PBRM1: variants seen among roughly 807,000 people sequenced by gnomAD.
PBRM1 encodes the protein protein polybromo-1.
PBRM1 carries 27 observed loss-of-function variants against 194.5 expected under a neutral mutation model. That is an observed-to-expected ratio of 0.14 (90% confidence interval 0.10 to 0.19). The LOEUF (loss-of-function observed/expected upper bound fraction) is 0.19, where lower values mean the gene tolerates loss of function less well. Ranked by LOEUF, PBRM1 falls within the 10% of genes least tolerant of loss-of-function variation. PBRM1 has a pLI of 1.00. For missense variants in PBRM1, 1,466 were observed against 2,077.2 expected (o/e 0.71, Z 5.72); for synonymous variants, 655 against 693.2 (o/e 0.94, Z 0.87).
At chr3:52,581,592 G>T (rs1195720265) in intron 20 of PBRM1, among the ~76,000 whole-genome samples, 1 of 151,116 alleles carries the variant, frequency 6.6e-6, no homozygotes, top group East Asian at 1.9e-4. Flanking sequence ...AACAACCCAT[G>T]AGATTAATAA....
At chr3:52,669,083 A>T (rs1362099470) in intron 2 of PBRM1, among the ~76,000 whole-genome samples, 1 of 152,202 alleles carries the variant, frequency 6.6e-6, no homozygotes, top group Non-Finnish European at 1.5e-5. Flanking sequence ...GTGACCACAT[A>T]AATTTTTTCT....
chr3:52,598,563 T>C (rs982154035), intron 17 of PBRM1, among the ~76,000 whole-genome samples: 3 of 152,364 alleles, frequency 2.0e-5, no homozygotes. Flanking sequence ...ATTGGATGAA[T>C]ATACCACTTT....
chr3:52,623,316 G>A (rs1260721759), intron 13 of PBRM1, among the ~76,000 whole-genome samples: 1 of 152,140 alleles, frequency 6.6e-6, no homozygotes, highest in Non-Finnish European at 1.5e-5. Context: ...ATAACAGCTG[G>A]CACTTACCAA....
At chr3:52,627,126 C>A in intron 13 of PBRM1, 147 bp downstream of exon 14, 1 of 491,158 alleles carries the variant, frequency 2.0e-6, no homozygotes, top group Non-Finnish European at 3.6e-6. Context: ...GCTAATCATC[C>A]AATTGCAAAT....
At chr3:52,661,556 C>T (rs993927842) in intron 4 of PBRM1, among the ~76,000 whole-genome samples, 2 of 151,964 alleles carry the variant, frequency 1.3e-5, no homozygotes, top group African/African-American at 4.8e-5. Context: ...AGGAGGAAGG[C>T]GGAGCAAACA....
chr3:52,616,844 A>T (rs573004309), intron 14 of PBRM1, among the ~76,000 whole-genome samples: 15 of 152,152 alleles, frequency 9.9e-5, no homozygotes, highest in Non-Finnish European at 2.1e-4. Flanking sequence ...CGTAGTAATG[A>T]TGATGATGAA....
chr3:52,594,279 T>A (rs1421113161), intron 17 of PBRM1, among the ~76,000 whole-genome samples: 1 of 152,224 alleles, frequency 6.6e-6, no homozygotes, highest in Non-Finnish European at 1.5e-5. Flanking sequence ...GTGCATATAT[T>A]ATTTAGGATA....
At chr3:52,622,686 C>T (rs1270849896) in intron 13 of PBRM1, among the ~76,000 whole-genome samples, 1 of 152,118 alleles carries the variant, frequency 6.6e-6, no homozygotes, top group Non-Finnish European at 1.5e-5. Context: ...ACTTTTTCTC[C>T]CCCTGGCTGA....
chr3:52,648,051 G>A (rs2096378083), intron 7 of PBRM1, among the ~76,000 whole-genome samples: 2 of 151,936 alleles, frequency 1.3e-5, no homozygotes, highest in Admixed American at 1.3e-4. Flanking sequence ...TGGGATTACA[G>A]GCGCCTGCCA....
chr3:52,615,087 TCTTA>T (rs763382394), intron 15 of PBRM1, among the ~76,000 whole-genome samples: 3 of 152,168 alleles, frequency 2.0e-5, no homozygotes, highest in African/African-American at 4.8e-5. Context: ...AAAAATCTAT[TCTTA>T]CTATTTAAAA....
At chr3:52,629,023 C>T (rs1207640343) in exon 12 of PBRM1, 2 of 1,606,946 alleles carry the variant, frequency 1.2e-6, no homozygotes, top group Non-Finnish European at 1.7e-6. Flanking sequence ...ATTCTTGATT[C>T]TTCAGTTTTG....
At chr3:52,641,446 C>CAAAAAAAA (rs386396638) in intron 10 of PBRM1, among the ~76,000 whole-genome samples, 4 of 69,894 alleles carry the variant, frequency 5.7e-5, no homozygotes, top group Non-Finnish European at 7.9e-5. Flanking sequence ...GACTCCATCT[C>CAAAAAAAA]AAAAAAAAAA....
chr3:52,601,285 C>T (rs1338752900), intron 17 of PBRM1, among the ~76,000 whole-genome samples: 1 of 152,164 alleles, frequency 6.6e-6, no homozygotes, highest in Non-Finnish European at 1.5e-5. Context: ...TTTTTGGCAC[C>T]AGGGACCAGT....
At chr3:52,649,385 C>T (rs138816259) in intron 6 of PBRM1, among the ~76,000 whole-genome samples, 92 of 152,202 alleles carry the variant, frequency 6.0e-4, no homozygotes, top group African/African-American at 2.2e-3. Context: ...AATGCAATGG[C>T]CAGGAATTCA....
In PBRM1 at chr3:52,661,632, T is replaced by A. The variant is rs1041305500; in HGVS notation, c.528+501A>T. 8.6e-5 allele frequency among the ~76,000 whole-genome samples: 13 copies of A among 151,946 alleles called. No individual in the cohort carries two copies. In the East Asian group the frequency reaches 2.5e-3, roughly 29 times the overall value. On this transcript the variant is annotated intron_variant, in intron 4 of 29. Coordinates refer to ENST00000296302, the Ensembl canonical transcript of PBRM1. ...ACCATTTTAGATGGTGTTAGAACAA[T>A]AAAAAAGAGCCAGTCACGGGAAAAG...
chr3:52,617,545 A>AG lies in PBRM1; in HGVS notation c.1542-8dup. On this transcript the variant is annotated splice_polypyrimidine_tract_variant and splice_region_variant and intron_variant, in intron 13 of 29. Coordinates refer to ENST00000296302, the Ensembl canonical transcript of PBRM1. ...CTTTCTTATGTTCTTTTTACTGTTGAGGGGGAGGTAGAAAAGGGGAAAAAT... is the reference window on the plus strand; with the variant it reads ...CTTTCTTATGTTCTTTTTACTGTTGAGGGGGGAGGTAGAAAAGGGGAAAAAT... The AG allele has an allele frequency of 6.3e-7, 1 of 1,586,904 alleles. No homozygotes were observed. Among genetic ancestry groups the AG allele is most frequent in the Non-Finnish European group, 8.5e-7 (1 of 1,172,722 alleles).
At chr3:52,662,147 T>C (rs2153921757) in exon 4 of PBRM1, 1 of 1,614,132 alleles carries the variant, frequency 6.2e-7, no homozygotes, top group Non-Finnish European at 8.5e-7. Context: ...TCAGTCACTG[T>C]GCCCTGATTG....
chr3:52,650,565 A>G (rs2153800934), intron 6 of PBRM1, among the ~76,000 whole-genome samples: 1 of 152,260 alleles, frequency 6.6e-6, no homozygotes, highest in African/African-American at 2.4e-5. Context: ...CAATGAAACT[A>G]TGTAACACAC....
intron 18 of PBRM1, among the ~76,000 whole-genome samples, chr3:52,588,696 A>G (rs947852539): frequency 1.3e-5 from 2 of 151,700 alleles, no homozygotes; most frequent in Non-Finnish European, 2.9e-5. Context: ...CTGGGACTAC[A>G]GGCGCCCGCC....
Sources: allele counts gnomAD v4.1 joint callset (sites outside exome capture counted in the v4.1 genomes callset), GRCh38; gene constraint gnomAD v4.1.1; transcripts MANE v1.5; gene names NCBI Gene and HGNC (gene_info 2026-07-23, HGNC 2026-07-21).